Variants in GRID2 observed in about 807,000 individuals in gnomAD.
The protein encoded by GRID2 is glutamate ionotropic receptor delta type subunit 2.
A neutral mutation model predicts 114.8 loss-of-function variants in GRID2; 33 were observed. The ratio of observed to expected loss-of-function variants is 0.29; its 90% CI spans 0.22 to 0.38. The LOEUF (loss-of-function observed/expected upper bound fraction) is 0.38. Ranked by LOEUF, GRID2 falls within the 10% of genes least tolerant of loss-of-function variation. The pLI, the probability that GRID2 is intolerant of heterozygous loss-of-function variation, is 1.00. For synonymous variants in GRID2, 505 were observed against 449.9 expected (o/e 1.12, Z -1.55); for missense variants, 1,184 against 1,257.7 (o/e 0.94, Z 0.89).
chr4:93,071,374 G>C (rs752244191), intron 2 of GRID2, among the ~76,000 whole-genome samples: 2 of 152,076 alleles, frequency 1.3e-5, no homozygotes, highest in Non-Finnish European at 2.9e-5. Flanking sequence ...CTGTGTTCTA[G>C]GTTTAGGGCA....
At chr4:92,914,794 C>T (rs1206203696) in intron 2 of GRID2, among the ~76,000 whole-genome samples, 1 of 152,024 alleles carries the variant, frequency 6.6e-6, no homozygotes, top group Non-Finnish European at 1.5e-5. Context: ...TATATCTGAA[C>T]TACATTTTTT....
chr4:93,357,757 G>A lies in GRID2; in HGVS notation c.1246-37850G>A, dbSNP rs1472447870. Among the ~76,000 whole-genome samples the A allele has an allele frequency of 2.0e-5, 3 of 151,508 alleles. No individual in the cohort carries two copies. In the East Asian group the frequency reaches 5.8e-4, roughly 29 times the overall value. On this transcript the variant is annotated intron_variant, in intron 8 of 15. Transcript: ENST00000282020. Reference sequence around the variant, plus strand: ...TTATGTTTGATGTAGGTGTGAAATAGGAATCCAGCTTTATTTTATCTGTCA... The same window carrying A: ...TTATGTTTGATGTAGGTGTGAAATAAGAATCCAGCTTTATTTTATCTGTCA...
intron 2 of GRID2, among the ~76,000 whole-genome samples, chr4:93,050,952 A>C (rs1040233338): frequency 1.3e-5 from 2 of 151,866 alleles, no homozygotes; most frequent in African/African-American, 4.8e-5. Context: ...CTGCTGGGGG[A>C]AAGTATTGTT....
At chr4:93,201,378 T>G (rs910277285) in intron 4 of GRID2, among the ~76,000 whole-genome samples, 1 of 152,178 alleles carries the variant, frequency 6.6e-6, no homozygotes, top group East Asian at 1.9e-4. Flanking sequence ...TTGCTATAGA[T>G]GAGAAGCCAG....
intron 2 of GRID2, among the ~76,000 whole-genome samples, chr4:92,757,133 G>C (rs1737757693): frequency 6.6e-6 from 1 of 152,084 alleles, no homozygotes. Flanking sequence ...TGTATTTGCT[G>C]AGGGATAAGC....
chr4:92,744,442 C>G (rs914453094), intron 2 of GRID2, among the ~76,000 whole-genome samples: 1 of 149,356 alleles, frequency 6.7e-6, no homozygotes, highest in African/African-American at 2.5e-5. Context: ...GAGCTGAGAT[C>G]ACGCTACTGC....
At chr4:92,463,907 C>T (rs1721616631) in intron 1 of GRID2, among the ~76,000 whole-genome samples, 1 of 151,892 alleles carries the variant, frequency 6.6e-6, no homozygotes, top group African/African-American at 2.4e-5. Flanking sequence ...CTTCCCATCT[C>T]TCTGCTTCCT....
At chr4:92,728,837 C>T (rs957693285) in intron 2 of GRID2, among the ~76,000 whole-genome samples, 7 of 151,374 alleles carry the variant, frequency 4.6e-5, no homozygotes, top group East Asian at 2.0e-4. Context: ...ATTTATGCCA[C>T]GTGAAGATGA....
At chr4:93,494,583 G>T (rs1727344660) in intron 12 of GRID2, among the ~76,000 whole-genome samples, 2 of 151,740 alleles carry the variant, frequency 1.3e-5, no homozygotes, top group Non-Finnish European at 2.9e-5. Context: ...CCCTGGAAAA[G>T]ATAACCCATA....
intron 1 of GRID2, among the ~76,000 whole-genome samples, chr4:92,471,083 T>G (rs1722010197): frequency 6.6e-6 from 1 of 152,014 alleles, no homozygotes; most frequent in Non-Finnish European, 1.5e-5. Flanking sequence ...AAATACATTT[T>G]CTGGGACATA....
At chr4:92,366,003 T>A (rs2110209454) in intron 1 of GRID2, among the ~76,000 whole-genome samples, 1 of 152,260 alleles carries the variant, frequency 6.6e-6, no homozygotes, top group Middle Eastern at 3.4e-3. Flanking sequence ...ACTTCATCTA[T>A]ATTAAGTTCA....
intron 14 of GRID2, among the ~76,000 whole-genome samples, chr4:93,767,283 C>A (rs1276060344): frequency 6.6e-6 from 1 of 152,062 alleles, no homozygotes; most frequent in African/African-American, 2.4e-5. Context: ...ACCACAAGGC[C>A]CTTTTCTTAC....
chr4:92,936,265 T>C (rs1445637737), intron 2 of GRID2, among the ~76,000 whole-genome samples: 1 of 146,432 alleles, frequency 6.8e-6, no homozygotes, highest in African/African-American at 2.4e-5. Context: ...AATTAATAGC[T>C]AAATAGGCTT....
intron 4 of GRID2, among the ~76,000 whole-genome samples, chr4:93,150,392 A>C (rs1736628666): frequency 6.6e-6 from 1 of 152,188 alleles, no homozygotes; most frequent in Admixed American, 6.5e-5. Flanking sequence ...CAATAATTAT[A>C]GTGTGGACAC....
intron 1 of GRID2, among the ~76,000 whole-genome samples, chr4:92,486,547 T>TCACACACACACACA (rs72216440): frequency 8.0e-5 from 11 of 137,070 alleles, no homozygotes; most frequent in African/African-American, 1.6e-4. Flanking sequence ...TCTCTCTCTT[T>TCACACACACACACA]CACACACACA....
intron 1 of GRID2, among the ~76,000 whole-genome samples, chr4:93,781,946 T>G (rs1734489271): frequency 6.6e-6 from 1 of 152,184 alleles, no homozygotes; most frequent in African/African-American, 2.4e-5. Context: ...TCAAGTCAAA[T>G]GTTTTCTGAG....
intron 1 of GRID2, among the ~76,000 whole-genome samples, chr4:92,317,537 C>G (rs1579169677): frequency 6.6e-6 from 1 of 151,978 alleles, no homozygotes; most frequent in Admixed American, 6.5e-5. Context: ...TTGATTTTTT[C>G]TTTTTATTTT....
At chr4:92,835,495 G>A (rs558057221) in intron 2 of GRID2, among the ~76,000 whole-genome samples, 2 of 152,226 alleles carry the variant, frequency 1.3e-5, no homozygotes, top group South Asian at 2.1e-4. Flanking sequence ...TGCTTATGCT[G>A]TTTCTCATAC....
intron 2 of GRID2, among the ~76,000 whole-genome samples, chr4:92,966,327 C>T (rs1057217684): frequency 2.0e-5 from 3 of 151,812 alleles, no homozygotes; most frequent in Non-Finnish European, 4.4e-5. Context: ...TGTGAGGGGT[C>T]GACCCTTCGG....
Sources: allele counts gnomAD v4.1 joint callset (sites outside exome capture counted in the v4.1 genomes callset), GRCh38; gene constraint gnomAD v4.1.1; transcripts MANE v1.5; gene names NCBI Gene and HGNC (gene_info 2026-07-23, HGNC 2026-07-21).